PKD1L3: variants seen among roughly 807,000 people sequenced by gnomAD.
The protein encoded by PKD1L3 is polycystin-1-like protein 3.
PKD1L3 carries 239 observed loss-of-function variants against 184.1 expected under a neutral mutation model. That is an observed-to-expected ratio of 1.30 (90% CI 1.17 to 1.45). PKD1L3 has a LOEUF of 1.45. PKD1L3 is among the 40% of genes most tolerant of loss of function. PKD1L3 has a pLI of 0.00. For missense variants in PKD1L3, 2,660 were observed against 2,067.2 expected, an observed-to-expected ratio of 1.29 and a Z score of -5.56; for synonymous variants, 996 against 778.8, an observed-to-expected ratio of 1.28 and a Z score of -4.64.
At chr16:71,936,553 CTT>C (rs990253438) in intron 25 of PKD1L3, among the ~76,000 whole-genome samples, 2 of 137,928 alleles carry the variant, frequency 1.5e-5, no homozygotes, top group African/African-American at 2.7e-5. Flanking sequence ...CAGTTTCACT[CTT>C]GTTGCCCAAG....
Position 71,944,030 on chromosome 16 carries a change from C to A in PKD1L3, c.3859G>T (p.Val1287Leu). Reference sequence around the variant, plus strand: ...GTATGTTGCCATTTCCTCTCCATACCCAAAATATCTCCAGTCAGCTTGAAG... The same window carrying A: ...GTATGTTGCCATTTCCTCTCCATACACAAAATATCTCCAGTCAGCTTGAAG... ...KLFKLTGDIL[V>L]QILFLTLLMT... Residue 1287 changes from valine to leucine, a missense_variant and splice_region_variant, in exon 23 of 30, where the codon GTA becomes TTA. Val to Leu is a conservative substitution (Grantham distance 32, BLOSUM62 1). Coordinates refer to ENST00000620267, the MANE Select transcript of PKD1L3 (RefSeq NM_181536.2). The A allele has an allele frequency of 6.4e-7, 1 of 1,550,950 alleles. No individual in the cohort carries two copies. The highest frequency in any genetic ancestry group is 8.7e-7 in the Non-Finnish European group (1 of 1,146,816).
chr16:71,969,051 C>T (rs2039609616), intron 13 of PKD1L3, among the ~76,000 whole-genome samples: 1 of 152,068 alleles, frequency 6.6e-6, no homozygotes, highest in Non-Finnish European at 1.5e-5. Context: ...CTGCCTCAGC[C>T]TCCCGAGCAG....
At chr16:71,947,702 C>G in intron 21 of PKD1L3, 111 bp from the exon 22 acceptor site, 1 of 695,646 alleles carries the variant, frequency 1.4e-6, no homozygotes. Flanking sequence ...TTATTTGGCT[C>G]TTCATTTTAA....
chr16:71,998,291 G>A lies in PKD1L3; in HGVS notation c.399C>T (p.Tyr133=). 1.3e-6 allele frequency: 2 copies of A among 1,552,200 alleles called. No individual in the cohort carries two copies. The highest frequency in any genetic ancestry group is 2.0e-5 in the Admixed American group (1 of 50,996). ...SSKGDKCLLK[Y]YFICQTGDFL... ...ACTTACCAGTCTGGCAAATGAAATA[G>A]TATTTCAGTAAGCACTTGTCCCCTT... The change falls in exon 2 of 30, where the codon TAC becomes TAT. Residue 133 remains tyrosine, a synonymous_variant. Transcript: ENST00000620267.
intron 16 of PKD1L3, among the ~76,000 whole-genome samples, chr16:71,956,873 T>A (rs928733321): frequency 2.3e-4 from 35 of 152,342 alleles, no homozygotes; most frequent in Middle Eastern, 6.8e-3. Flanking sequence ...TAAATAAATA[T>A]ATAGATTGCA....
At position 71,942,770 on chromosome 16, in the gene PKD1L3, T is replaced by G. The variant is rs1289678395; in HGVS notation, c.4114A>C (p.Thr1372Pro). ...GVQLIFQIPR[T>P]KTYEKVDEGQ... Reference sequence around the variant, plus strand: ...TCGTCCACTTTCTCATAGGTCTTGGTACGGGGTATTTGGAAAATTAATTGT... The same window carrying G: ...TCGTCCACTTTCTCATAGGTCTTGGGACGGGGTATTTGGAAAATTAATTGT... Residue 1372 changes from threonine (T) to proline (P), a missense_variant, in exon 24 of 30, where the codon ACC becomes CCC. Coordinates refer to ENST00000620267, the MANE Select transcript of PKD1L3 (RefSeq NM_181536.2). The G allele has an allele frequency of 7.7e-6, 12 of 1,551,594 alleles. No individual in the cohort carries two copies. Among genetic ancestry groups the G allele is most frequent in the Non-Finnish European group, 1.0e-5 (12 of 1,147,002 alleles).
intron 12 of PKD1L3, among the ~76,000 whole-genome samples, chr16:71,972,049 T>C (rs2039732469): frequency 6.6e-6 from 1 of 151,860 alleles, no homozygotes. Context: ...ACCCTGTCTC[T>C]AATAAACATA....
chr16:71,970,074 T>C lies in PKD1L3; in HGVS notation c.1985A>G (p.Gln662Arg), dbSNP rs560835987. The change falls in exon 13 of 30, where the codon CAG (glutamine) becomes CGG (arginine). Residue 662 changes from glutamine to arginine, a missense_variant. Gln to Arg is a conservative substitution (Grantham distance 43). Coordinates refer to ENST00000620267, the MANE Select transcript of PKD1L3 (RefSeq NM_181536.2). ...GAAGGTCAGGTGGTTACAGAGACAC[T>C]GTGTCCTCAGAATTGTGCTCTGTGG... ...VGPQSTILRT[Q>R]CLCNHLTFFA... is the part of the protein sequence containing the mutation. The C allele has an allele frequency of 1.3e-6, 2 of 1,551,720 alleles. No homozygotes were observed. Among genetic ancestry groups the C allele is most frequent in the South Asian group, 1.2e-5 (1 of 84,060 alleles).
intron 12 of PKD1L3, among the ~76,000 whole-genome samples, chr16:71,970,834 T>C (rs1394974837): frequency 2.6e-5 from 4 of 151,892 alleles, no homozygotes; most frequent in South Asian, 4.1e-4. Context: ...TACATAAATA[T>C]AAAAATTTTA....
chr16:71,938,438 GCAGA>G (rs1027280508), intron 24 of PKD1L3, among the ~76,000 whole-genome samples: 2 of 152,164 alleles, frequency 1.3e-5, no homozygotes, highest in Non-Finnish European at 2.9e-5. Flanking sequence ...GCAGCAGGAG[GCAGA>G]CAGGCTCCTG....
intron 24 of PKD1L3, among the ~76,000 whole-genome samples, chr16:71,940,527 T>TCTCA (rs760904101): frequency 9.2e-5 from 14 of 151,572 alleles, no homozygotes; most frequent in Non-Finnish European, 1.6e-4. Context: ...TGAGATGGAG[T>TCTCA]CTCACTCTGT....
intron 23 of PKD1L3, 114 bp from the exon 24 acceptor site, chr16:71,943,138 A>G (rs1438340611): frequency 2.6e-6 from 2 of 772,862 alleles, no homozygotes; most frequent in Non-Finnish European, 4.1e-6. Context: ...CCAGTCAAAA[A>G]CTGGCTGTTT....
At chr16:71,955,400 G>A (rs559000606) in intron 16 of PKD1L3, among the ~76,000 whole-genome samples, 2 of 152,032 alleles carry the variant, frequency 1.3e-5, no homozygotes, top group Non-Finnish European at 2.9e-5. Context: ...TCGCACCACT[G>A]CACTCCAGCC....
At position 71,942,926 on chromosome 16, in the gene PKD1L3, G is replaced by A. The variant is rs2038412715; in HGVS notation, c.3958C>T (p.His1320Tyr). 3 of 1,551,576 alleles carry A rather than the reference G, an allele frequency of 1.9e-6. No homozygotes were observed. Among genetic ancestry groups the A allele is most frequent in the East Asian group, 2.4e-5 (1 of 40,924 alleles). ...LHQAIWKTFS[H>Y]QFSEIKLLQD... ...AGAAGTTTGATTTCCGAGAACTGGT[G>A]CGAAAATGTCTTCCAGATAGCTTGG... Residue 1320 changes from histidine (H) to tyrosine (Y), a missense_variant, in exon 24 of 30, where the codon CAC (histidine) becomes TAC (tyrosine). Physicochemically the swap from His to Tyr is moderately conservative, Grantham distance 83. Coordinates refer to ENST00000620267, the MANE Select transcript of PKD1L3 (RefSeq NM_181536.2).
At chr16:71,932,751 G>A (rs1175302060) in intron 28 of PKD1L3, among the ~76,000 whole-genome samples, 1 of 145,822 alleles carries the variant, frequency 6.9e-6, no homozygotes, top group East Asian at 2.0e-4. Flanking sequence ...AAAGTATTAG[G>A]ATTATAGGCA....
intron 28 of PKD1L3, among the ~76,000 whole-genome samples, chr16:71,931,935 C>T (rs1377367255): frequency 6.6e-6 from 1 of 152,144 alleles, no homozygotes; most frequent in African/African-American, 2.4e-5. Flanking sequence ...GCTCAGAGGG[C>T]AGTGGGATGA....
chr16:71,975,216 C>T (rs7199010), intron 11 of PKD1L3, among the ~76,000 whole-genome samples: 8,120 of 123,260 alleles, frequency 0.066, 744 homozygotes, highest in African/African-American at 0.22. Context: ...CCACCACGCT[C>T]GGCTAATTTT....
At chr16:71,954,369 G>T (rs1347830238) in intron 16 of PKD1L3, 68 bp from the exon 17 acceptor site, 1 of 1,292,964 alleles carries the variant, frequency 7.7e-7, no homozygotes, top group South Asian at 1.5e-5. Context: ...TTTAAGATGT[G>T]ATTTGCCCAG....
chr16:71,990,192 C>T (rs1308076294), intron 4 of PKD1L3, 88 bp downstream of exon 4: 1 of 1,168,256 alleles, frequency 8.6e-7, no homozygotes, highest in African/African-American at 1.6e-5. Flanking sequence ...ATTCAGAACA[C>T]TCTACAAGAT....
Sources: gnomAD v4.1 joint callset for allele counts (sites outside exome capture counted in the v4.1 genomes callset) on GRCh38, gnomAD v4.1.1 for gene constraint, MANE v1.5 for transcripts, NCBI Gene and HGNC (gene_info 2026-07-23, HGNC 2026-07-21) for gene names.